The following COPS2 variants were observed in gnomAD, a reference collection of about 807,000 sequenced individuals.
COPS2 encodes COP9 signalosome subunit 2, also known as COP9 signalosome complex subunit 2.
A neutral mutation model predicts 66.1 loss-of-function variants in COPS2; 10 were observed. The observed-to-expected ratio is 0.15, with a 90% CI of 0.09 to 0.26. The LOEUF (loss-of-function observed/expected upper bound fraction) is 0.26, where lower values mean the gene tolerates loss of function less well. Among genes scored for constraint, COPS2 ranks in the 10% least tolerant of loss-of-function variants. COPS2 has a pLI of 1.00. For missense variants in COPS2, 215 were observed against 513.3 expected, an observed-to-expected ratio of 0.42 and a Z score of 5.62; for synonymous variants, 179 against 171.3, an observed-to-expected ratio of 1.04 and a Z score of -0.35.
intron 8 of COPS2, 26 bp downstream of exon 8, chr15:49,133,904 G>T (rs776249618): frequency 1.3e-6 from 2 of 1,573,696 alleles, no homozygotes; most frequent in African/African-American, 2.7e-5. Flanking sequence ...GCTGATAAGA[G>T]AAATTAACAA....
intron 9 of COPS2, among the ~76,000 whole-genome samples, chr15:49,132,262 TTAAAA>T (rs2084215567): frequency 6.6e-6 from 1 of 151,690 alleles, no homozygotes. Context: ...AACAAATAAA[TTAAAA>T]TAAAGTAAAC....
In COPS2 at chr15:49,155,546, A is replaced by T; in HGVS notation, c.33T>A (p.Asp11Glu). 1 of 1,614,156 alleles carries T rather than the reference A, an allele frequency of 6.2e-7. No individual in the cohort carries two copies. Among genetic ancestry groups the T allele is most frequent in the Non-Finnish European group, 8.5e-7 (1 of 1,180,008 alleles). Residue 11 changes from aspartate (D) to glutamate (E), a missense_variant, in exon 1 of 13, where the codon GAT (aspartate) becomes GAA (glutamate). This residue lies in a region of COPS2 where 27 missense variants were observed against 21.5 expected (regional missense o/e 1.25). Transcript: ENST00000388901. Reference protein sequence around the residue: MSDMEDDFMCDDEEDYDLEYS... With the variant: MSDMEDDFMCEDEEDYDLEYS... The stretch of plus-strand genomic sequence containing the variant: ...TCACCAGGTCGTAGTCCTCCTCATC[A>T]TCGCACATGAAATCATCCTCCATGT...
chr15:49,155,068 G>C (rs1215740109), intron 1 of COPS2, among the ~76,000 whole-genome samples: 2 of 152,256 alleles, frequency 1.3e-5, no homozygotes, highest in African/African-American at 4.8e-5. Context: ...CCTGGGAGCA[G>C]TAAGGACACC....
At chr15:49,148,331 C>T (rs1185084086) in intron 1 of COPS2, among the ~76,000 whole-genome samples, 1 of 151,996 alleles carries the variant, frequency 6.6e-6, no homozygotes, top group Non-Finnish European at 1.5e-5. Flanking sequence ...ATAACAGACA[C>T]ACATACTAAG....
At chr15:49,154,221 TATAA>T (rs1420740694) in intron 1 of COPS2, among the ~76,000 whole-genome samples, 6 of 152,126 alleles carry the variant, frequency 3.9e-5, no homozygotes, top group Non-Finnish European at 7.4e-5. Flanking sequence ...ACACCTGTAA[TATAA>T]ATAAACAGGT....
At position 49,137,703 on chromosome 15, in the gene COPS2, ATAG is replaced by A. The variant is rs561163465; in HGVS notation, c.373-269_373-267del. Reference sequence around the variant, plus strand: ...TAGTGCTGTAAGTTCTCATGCTGTAATAGTACACGTTTGTCCTTCCCAATCTAA... The same window carrying A: ...TAGTGCTGTAAGTTCTCATGCTGTAATACACGTTTGTCCTTCCCAATCTAA... On this transcript the variant is annotated intron_variant, in intron 4 of 12. Transcript: ENST00000388901. 312 of 347,018 alleles carry A rather than the reference ATAG, an allele frequency of 9.0e-4. 9 individuals carry two copies. In the South Asian group the frequency reaches 0.016, roughly 17 times the overall value. 21.5% of individuals were successfully genotyped at this position (347,018 alleles called of 1,614,324 possible).
intron 6 of COPS2, among the ~76,000 whole-genome samples, chr15:49,136,478 T>C (rs2084252593): frequency 6.6e-6 from 1 of 152,178 alleles, no homozygotes; most frequent in Admixed American, 6.5e-5. Flanking sequence ...TGCTACCATA[T>C]TTGATAACAG....
chr15:49,130,233 G>A (rs566665841), intron 10 of COPS2, among the ~76,000 whole-genome samples: 1 of 152,246 alleles, frequency 6.6e-6, no homozygotes, highest in Admixed American at 6.5e-5. Context: ...CAAGAGCAAA[G>A]AGATGATTGT....
chr15:49,153,837 G>T (rs952528791), intron 1 of COPS2, among the ~76,000 whole-genome samples: 4 of 152,236 alleles, frequency 2.6e-5, no homozygotes, highest in Admixed American at 6.5e-5. Context: ...AAAAGAAGTT[G>T]ATTTCACGGT....
At chr15:49,154,044 C>T (rs1170231525) in intron 1 of COPS2, among the ~76,000 whole-genome samples, 7 of 151,996 alleles carry the variant, frequency 4.6e-5, no homozygotes, top group Non-Finnish European at 1.0e-4. Context: ...TTTAAATATT[C>T]CCTAGACACA....
chr15:49,144,012 A>G (rs2084305787), intron 3 of COPS2, among the ~76,000 whole-genome samples: 1 of 151,716 alleles, frequency 6.6e-6, no homozygotes, highest in South Asian at 2.1e-4. Context: ...AAATGCATCT[A>G]AAAGAGTAAG....
chr15:49,137,428 G>A lies in COPS2; in HGVS notation c.382C>T (p.Leu128=). ...YISTSKQMDL[L]QEFYETTLEA... ...AGTGTTGTTTCATAGAATTCCTGCA[G>A]TAAATCCATCTGACATAAAAAATCA... Residue 128 remains leucine, a synonymous_variant, in exon 5 of 13, where the codon CTG becomes TTG. Coordinates refer to ENST00000388901, the MANE Select transcript of COPS2 (RefSeq NM_004236.4). 1 of 1,610,098 alleles carries A rather than the reference G, an allele frequency of 6.2e-7. No individual in the cohort carries two copies. The highest frequency in any genetic ancestry group is 2.2e-5 in the East Asian group (1 of 44,766).
At chr15:49,133,013 G>A (rs1303444430) in intron 9 of COPS2, among the ~76,000 whole-genome samples, 1 of 148,056 alleles carries the variant, frequency 6.8e-6, no homozygotes, top group African/African-American at 2.5e-5. Context: ...TTTTGAGACG[G>A]AGTCTTGCTC....
At chr15:49,151,413 A>AG (rs2084360680) in intron 1 of COPS2, among the ~76,000 whole-genome samples, 1 of 152,022 alleles carries the variant, frequency 6.6e-6, no homozygotes, top group South Asian at 2.1e-4. Flanking sequence ...AAAAAAAAAA[A>AG]AAATTATATT....
At chr15:49,145,678 A>G (rs2141131430) in intron 1 of COPS2, among the ~76,000 whole-genome samples, 1 of 152,298 alleles carries the variant, frequency 6.6e-6, no homozygotes, top group East Asian at 1.9e-4. Context: ...CAAAATAAAT[A>G]AAACAAAATG....
intron 9 of COPS2, among the ~76,000 whole-genome samples, chr15:49,132,571 CAAAAAAA>C (rs748471326): frequency 1.7e-5 from 1 of 59,900 alleles, no homozygotes; most frequent in African/African-American, 6.7e-5. Flanking sequence ...CATATATCTG[CAAAAAAA>C]AAAAAAAAAA....
chr15:49,150,871 T>C (rs952181978), intron 1 of COPS2, among the ~76,000 whole-genome samples: 4 of 152,124 alleles, frequency 2.6e-5, no homozygotes, highest in African/African-American at 4.8e-5. Flanking sequence ...AACTTATCTA[T>C]ATAACTAACC....
At chr15:49,131,994 T>C (rs1356724432) in intron 9 of COPS2, among the ~76,000 whole-genome samples, 6 of 152,180 alleles carry the variant, frequency 3.9e-5, no homozygotes, top group Admixed American at 2.0e-4. Context: ...TATTCTGATA[T>C]AGGTCAGATA....
chr15:49,130,107 A>T (rs2084197427), intron 10 of COPS2, among the ~76,000 whole-genome samples: 2 of 152,212 alleles, frequency 1.3e-5, no homozygotes, highest in Non-Finnish European at 2.9e-5. Flanking sequence ...AAGAGAAAGA[A>T]AGATGGGGAA....
Sources: allele counts gnomAD v4.1 joint callset (sites outside exome capture counted in the v4.1 genomes callset), GRCh38; gene constraint gnomAD v4.1.1; regional missense constraint gnomAD v4.1.1; transcripts MANE v1.5; gene names NCBI Gene and HGNC (gene_info 2026-07-23, HGNC 2026-07-21).